TET1: variants seen among roughly 807,000 people sequenced by gnomAD.
TET1 encodes the protein tet methylcytosine dioxygenase 1, also known as methylcytosine dioxygenase TET1.
In TET1, 13 loss-of-function variants were observed where a neutral mutation model predicts 148.7. That is an observed-to-expected ratio of 0.09 (90% CI 0.06 to 0.14). The LOEUF is 0.14. Ranked by LOEUF, TET1 falls within the 10% of genes least tolerant of loss-of-function variation. The pLI is 1.00. For missense variants in TET1, 2,182 were observed against 2,553.8 expected, an observed-to-expected ratio of 0.85 and a Z score of 3.14; for synonymous variants, 907 against 937.2, an observed-to-expected ratio of 0.97 and a Z score of 0.59.
intron 2 of TET1, among the ~76,000 whole-genome samples, chr10:68,574,799 G>C (rs952023017): frequency 6.6e-6 from 1 of 152,124 alleles, no homozygotes; most frequent in Non-Finnish European, 1.5e-5. Flanking sequence ...ATTTCTACCT[G>C]CTCTACCAAC....
intron 6 of TET1, among the ~76,000 whole-genome samples, chr10:68,659,565 C>T (rs544875530): frequency 5.5e-4 from 83 of 152,228 alleles, no homozygotes; most frequent in African/African-American, 1.9e-3. Context: ...GTGATCCACC[C>T]ACCTTGGCCT....
intron 2 of TET1, 58 bp from the exon 3 acceptor site, chr10:68,600,923 G>A: frequency 2.0e-6 from 3 of 1,514,312 alleles, no homozygotes; most frequent in African/African-American, 1.4e-5. Flanking sequence ...TTTTGGGGAT[G>A]TGGGAGCTAA....
chr10:68,560,985 C>G (rs1156440107), intron 1 of TET1, among the ~76,000 whole-genome samples: 1 of 152,188 alleles, frequency 6.6e-6, no homozygotes, highest in Non-Finnish European at 1.5e-5. Context: ...ATCGGCCACC[C>G]GCTCCGGAGG....
intron 2 of TET1, among the ~76,000 whole-genome samples, chr10:68,599,808 G>A (rs1294951363): frequency 6.6e-6 from 1 of 152,142 alleles, no homozygotes; most frequent in Non-Finnish European, 1.5e-5. Context: ...TTTCCTTCTC[G>A]TAGGGGAGAA....
chr10:68,605,415 G>C (rs2054110337), intron 3 of TET1, among the ~76,000 whole-genome samples: 2 of 152,208 alleles, frequency 1.3e-5, no homozygotes. Context: ...GGAGGTTACA[G>C]TGAGGAAACA....
intron 2 of TET1, among the ~76,000 whole-genome samples, chr10:68,586,485 G>GTTGTT (rs1201999803): frequency 7.5e-6 from 1 of 133,500 alleles, no homozygotes; most frequent in Non-Finnish European, 1.6e-5. Flanking sequence ...GCCAGCTAAC[G>GTTGTT]TTTTTTTTTT....
In TET1 at chr10:68,573,934, A is replaced by G; in HGVS notation, c.1596A>G (p.Gln532=). The change falls in exon 2 of 12, where the codon CAA becomes CAG. Residue 532 remains glutamine (Q), a synonymous_variant. Transcript: ENST00000373644. ...TCCATGCTTCACTGGGTATAGCCCA[A>G]CTCTCTCAGGCTGGTCCTAGCAAAT... ...GLFHASLGIA[Q]LSQAGPSKSD... is the part of the protein sequence containing the mutation. 1.2e-6 allele frequency: 2 copies of G among 1,614,104 alleles called. No individual in the cohort carries two copies. The highest frequency in any genetic ancestry group is 1.7e-6 in the Non-Finnish European group (2 of 1,179,998).
intron 2 of TET1, among the ~76,000 whole-genome samples, chr10:68,592,722 T>A (rs531717446): frequency 2.0e-5 from 3 of 152,284 alleles, no homozygotes; most frequent in African/African-American, 7.2e-5. Context: ...CTCTATATCT[T>A]GCCAACTCCT....
chr10:68,672,037 G>A (rs1324905842), intron 7 of TET1, among the ~76,000 whole-genome samples: 1 of 152,020 alleles, frequency 6.6e-6, no homozygotes, highest in Non-Finnish European at 1.5e-5. Context: ...CACCACACCT[G>A]GCCAAGAAAC....
intron 3 of TET1, among the ~76,000 whole-genome samples, chr10:68,616,708 A>G (rs1179592492): frequency 6.6e-6 from 1 of 151,640 alleles, no homozygotes; most frequent in African/African-American, 2.4e-5. Flanking sequence ...GATAATATTT[A>G]AACTTTTTTT....
intron 3 of TET1, chr10:68,632,777 C>G (rs1366665971): frequency 1.4e-6 from 2 of 1,415,396 alleles, no homozygotes; most frequent in Non-Finnish European, 2.0e-6. Context: ...TTAAGATCAA[C>G]CACATAAAAC....
At chr10:68,643,476 A>G (rs552763156) in intron 3 of TET1, among the ~76,000 whole-genome samples, 21 of 152,232 alleles carry the variant, frequency 1.4e-4, no homozygotes, top group Non-Finnish European at 2.5e-4. Context: ...TATACTTATG[A>G]TTTGTACACC....
At chr10:68,609,140 AGT>A (rs900695597) in intron 3 of TET1, among the ~76,000 whole-genome samples, 26 of 152,042 alleles carry the variant, frequency 1.7e-4, no homozygotes, top group African/African-American at 6.3e-4. Flanking sequence ...TAGGTTGACA[AGT>A]GTGTGCCACC....
At chr10:68,632,774 C>A in intron 3 of TET1, 1 of 1,410,326 alleles carries the variant, frequency 7.1e-7, no homozygotes, top group Non-Finnish European at 9.7e-7. Context: ...AAGTTAAGAT[C>A]AACCACATAA....
intron 4 of TET1, 73 bp downstream of exon 4, chr10:68,647,078 A>C: frequency 6.9e-7 from 1 of 1,449,960 alleles, no homozygotes; most frequent in Non-Finnish European, 9.3e-7. Context: ...GCAAATTCTG[A>C]TTCATCTTTT....
chr10:68,671,555 G>T (rs941385689), intron 7 of TET1, among the ~76,000 whole-genome samples: 1 of 152,148 alleles, frequency 6.6e-6, no homozygotes, highest in Non-Finnish European at 1.5e-5. Flanking sequence ...ACTCCTTTGG[G>T]TATATACCCA....
Position 68,645,480 on chromosome 10 carries a change from G to C in TET1, c.2751G>C (p.Glu917Asp), listed in dbSNP as rs12241767. 6.2e-7 allele frequency: 1 copy of C among 1,613,532 alleles called. No individual in the cohort carries two copies. Among genetic ancestry groups the C allele is most frequent in the Admixed American group, 1.7e-5 (1 of 59,980 alleles). Residue 917 changes from glutamate (E) to aspartate (D), a missense_variant, in exon 4 of 12, where the codon GAG (glutamate) becomes GAC (aspartate). By Grantham distance (45) the Glu-to-Asp change is conservative. Coordinates refer to ENST00000373644, the MANE Select transcript of TET1 (RefSeq NM_030625.3). Reference protein sequence around the residue: ...NSSPSKSEKDEESEQRTASLL... With the variant: ...NSSPSKSEKDDESEQRTASLL... ...CCCCATCAAAGTCAGAGAAGGATGA[G>C]GAATCAGAGCAGAGAACAGCCAGTT...
At chr10:68,653,783 A>T (rs2054974764) in intron 6 of TET1, among the ~76,000 whole-genome samples, 1 of 152,022 alleles carries the variant, frequency 6.6e-6, no homozygotes, top group Admixed American at 6.6e-5. Flanking sequence ...CTCTCTTCCC[A>T]TGGGGATCTT....
chr10:68,672,861 C>T (rs1471388137), intron 7 of TET1, 34 bp from the exon 8 acceptor site: 1 of 1,575,954 alleles, frequency 6.3e-7, no homozygotes, highest in East Asian at 2.2e-5. Context: ...TGTAATGCTT[C>T]ATCAATTCAC....
Sources: gnomAD v4.1 joint callset for allele counts (sites outside exome capture counted in the v4.1 genomes callset) on GRCh38, gnomAD v4.1.1 for gene constraint, MANE v1.5 for transcripts, NCBI Gene and HGNC (gene_info 2026-07-23, HGNC 2026-07-21) for gene names.